The following CNTNAP2 variants were observed in gnomAD, a reference collection of about 807,000 sequenced individuals.
CNTNAP2 encodes the protein contactin-associated protein-like 2.
CNTNAP2 carries 98 observed loss-of-function variants against 155.2 expected under a neutral mutation model. That is an observed-to-expected ratio of 0.63 (90% CI 0.54 to 0.75). The LOEUF is 0.75. Among genes scored for constraint, CNTNAP2 ranks in the 30% least tolerant of loss-of-function variants. The pLI is 0.00. For missense variants in CNTNAP2, 1,727 were observed against 1,688.1 expected (o/e 1.02, Z -0.40); for synonymous variants, 651 against 631.2 (o/e 1.03, Z -0.47).
intron 8 of CNTNAP2, among the ~76,000 whole-genome samples, chr7:147,223,604 T>C (rs1386955539): frequency 3.9e-5 from 6 of 152,184 alleles, no homozygotes; most frequent in African/African-American, 1.4e-4. Flanking sequence ...TAGCCAGTTA[T>C]TCCTTATCTC....
intron 3 of CNTNAP2, among the ~76,000 whole-genome samples, chr7:146,949,731 G>A (rs1441905507): frequency 6.6e-6 from 1 of 152,042 alleles, no homozygotes; most frequent in Non-Finnish European, 1.5e-5. Flanking sequence ...AAGGGAATAG[G>A]CCAATGTTCT....
At chr7:148,141,941 G>C (rs1029762525) in intron 16 of CNTNAP2, among the ~76,000 whole-genome samples, 35 of 152,170 alleles carry the variant, frequency 2.3e-4, no homozygotes, top group Admixed American at 1.3e-4. Flanking sequence ...AAGACTAAGA[G>C]GAGTGGAAAT....
At chr7:146,245,942 A>G (rs553340318) in intron 1 of CNTNAP2, among the ~76,000 whole-genome samples, 45 of 126,852 alleles carry the variant, frequency 3.5e-4, no homozygotes, top group African/African-American at 9.6e-4. Flanking sequence ...TGGCACCATG[A>G]GGTGGATAGG....
chr7:147,591,036 C>T (rs1800726332), intron 12 of CNTNAP2, among the ~76,000 whole-genome samples: 1 of 152,172 alleles, frequency 6.6e-6, no homozygotes, highest in Non-Finnish European at 1.5e-5. Context: ...TCTACTACAG[C>T]CTTGGATTTC....
chr7:146,676,437 G>A (rs944729923), intron 1 of CNTNAP2, among the ~76,000 whole-genome samples: 2 of 101,702 alleles, frequency 2.0e-5, no homozygotes, highest in African/African-American at 5.5e-5. Flanking sequence ...GCAGCTACAA[G>A]TGTTTGTGTT....
chr7:147,058,492 C>G (rs2129261437), intron 4 of CNTNAP2, among the ~76,000 whole-genome samples: 1 of 152,316 alleles, frequency 6.6e-6, no homozygotes, highest in South Asian at 2.1e-4. Flanking sequence ...CATTAACCTT[C>G]ATAAATAGCA....
intron 13 of CNTNAP2, among the ~76,000 whole-genome samples, chr7:147,827,892 T>C (rs1161226536): frequency 6.6e-6 from 1 of 152,190 alleles, no homozygotes; most frequent in Non-Finnish European, 1.5e-5. Context: ...ATTTCTATAA[T>C]AATAGAAATT....
chr7:148,058,141 T>C (rs889604207), intron 15 of CNTNAP2, among the ~76,000 whole-genome samples: 5 of 152,084 alleles, frequency 3.3e-5, no homozygotes, highest in Admixed American at 1.3e-4. Context: ...CTAGAGTGTG[T>C]TGATAACGTG....
At chr7:147,095,628 CT>C (rs1259935709) in intron 4 of CNTNAP2, among the ~76,000 whole-genome samples, 2 of 151,578 alleles carry the variant, frequency 1.3e-5, no homozygotes, top group Non-Finnish European at 2.9e-5. Flanking sequence ...TTGCTTCTTT[CT>C]TTTTTTCTTT....
intron 10 of CNTNAP2, among the ~76,000 whole-genome samples, chr7:147,398,899 A>C (rs1328294005): frequency 1.3e-5 from 2 of 151,718 alleles, no homozygotes; most frequent in Non-Finnish European, 2.9e-5. Flanking sequence ...AGAAGGAATA[A>C]ATTTTATGGG....
At chr7:148,347,793 G>A (rs1724514025) in intron 21 of CNTNAP2, among the ~76,000 whole-genome samples, 1 of 152,208 alleles carries the variant, frequency 6.6e-6, no homozygotes, top group South Asian at 2.1e-4. Context: ...CTGCTTGTTG[G>A]TGGTGGGCGA....
chr7:148,127,481 AT>A (rs1190322069), intron 16 of CNTNAP2, among the ~76,000 whole-genome samples: 1 of 152,180 alleles, frequency 6.6e-6, no homozygotes, highest in Non-Finnish European at 1.5e-5. Context: ...TGGAGGGAAT[AT>A]TTGCATTTAG....
intron 1 of CNTNAP2, among the ~76,000 whole-genome samples, chr7:146,531,655 C>A (rs186516395): frequency 3.9e-5 from 6 of 152,210 alleles, no homozygotes; most frequent in Non-Finnish European, 8.8e-5. Flanking sequence ...AAGTGATTCT[C>A]CTGCCTCAGC....
intron 14 of CNTNAP2, among the ~76,000 whole-genome samples, chr7:147,937,141 G>A (rs1800625794): frequency 6.6e-6 from 1 of 152,122 alleles, no homozygotes; most frequent in African/African-American, 2.4e-5. Context: ...AGAGGAGGAA[G>A]ACATGATAGG....
intron 13 of CNTNAP2, among the ~76,000 whole-genome samples, chr7:147,743,356 G>A (rs1310899380): frequency 6.6e-6 from 1 of 152,194 alleles, no homozygotes; most frequent in African/African-American, 2.4e-5. Flanking sequence ...GTGAATTGTA[G>A]AGAAGCTCAT....
chr7:148,220,283 T>C lies in CNTNAP2; in HGVS notation c.3247+2759T>C, dbSNP rs571493232. 1.1e-4 allele frequency among the ~76,000 whole-genome samples: 17 copies of C among 152,310 alleles called. No homozygotes were observed. In the South Asian group the frequency reaches 3.5e-3, roughly 32 times the overall value. On this transcript the variant is annotated intron_variant, in intron 19 of 23. Coordinates refer to ENST00000361727, the MANE Select transcript of CNTNAP2 (RefSeq NM_014141.6). ...ACGCCCGGCTAATTTTTTGTAATTTTAGTAGAGATGGGGTTTCACCGTGTT... is the reference window on the plus strand; with the variant it reads ...ACGCCCGGCTAATTTTTTGTAATTTCAGTAGAGATGGGGTTTCACCGTGTT...
intron 3 of CNTNAP2, among the ~76,000 whole-genome samples, chr7:146,975,759 G>C (rs1398191791): frequency 2.0e-5 from 3 of 152,102 alleles, no homozygotes; most frequent in Non-Finnish European, 4.4e-5. Flanking sequence ...CACACATTAG[G>C]GGACATACAC....
intron 13 of CNTNAP2, among the ~76,000 whole-genome samples, chr7:147,673,666 G>A (rs568496426): frequency 6.6e-6 from 1 of 152,164 alleles, no homozygotes; most frequent in Non-Finnish European, 1.5e-5. Flanking sequence ...GTAACACTCT[G>A]GTGGTACTAA....
intron 1 of CNTNAP2, among the ~76,000 whole-genome samples, chr7:146,135,162 G>A (rs1417034946): frequency 2.0e-5 from 3 of 152,088 alleles, no homozygotes. Context: ...AATGAAAGAT[G>A]TCATAGAAAA....
Sources: allele counts gnomAD v4.1 joint callset (sites outside exome capture counted in the v4.1 genomes callset), GRCh38; gene constraint gnomAD v4.1.1; transcripts MANE v1.5; gene names NCBI Gene and HGNC (gene_info 2026-07-23, HGNC 2026-07-21).